ALDH1A2: variants seen among roughly 807,000 people sequenced by gnomAD.
ALDH1A2 encodes aldehyde dehydrogenase 1 family member A2, also known as retinal dehydrogenase 2.
A neutral mutation model predicts 60.3 loss-of-function variants in ALDH1A2; 27 were observed. The observed-to-expected ratio is 0.45, with a 90% confidence interval of 0.33 to 0.62. The LOEUF is 0.62. ALDH1A2 is among the 20% of genes least tolerant of loss of function. ALDH1A2 has a pLI of 0.02. For synonymous variants in ALDH1A2, 289 were observed against 232.4 expected (o/e 1.24, Z -2.21); for missense variants, 581 against 643.8 (o/e 0.90, Z 1.06).
intron 7 of ALDH1A2, among the ~76,000 whole-genome samples, chr15:57,966,369 C>T (rs1239837906): frequency 2.6e-5 from 4 of 152,146 alleles, no homozygotes; most frequent in African/African-American, 9.7e-5. Flanking sequence ...TCTTTTTGTG[C>T]AATCTTGTAA....
intron 7 of ALDH1A2, among the ~76,000 whole-genome samples, chr15:57,971,044 A>C (rs1208633521): frequency 6.6e-6 from 1 of 152,218 alleles, no homozygotes; most frequent in African/African-American, 2.4e-5. Context: ...ACAGCAGTTT[A>C]AACCTTTATC....
chr15:57,994,584 C>T (rs1306899785), intron 5 of ALDH1A2, among the ~76,000 whole-genome samples: 1 of 152,276 alleles, frequency 6.6e-6, no homozygotes, highest in Non-Finnish European at 1.5e-5. Flanking sequence ...AGACACATAA[C>T]AGCTCGGCAT....
At chr15:58,059,270 T>G (rs1896965800) in intron 1 of ALDH1A2, among the ~76,000 whole-genome samples, 1 of 152,172 alleles carries the variant, frequency 6.6e-6, no homozygotes, top group Admixed American at 6.5e-5. Context: ...ATTTGCTGTT[T>G]GGGGGGAAAT....
chr15:57,969,520 G>T (rs569055576), intron 7 of ALDH1A2, among the ~76,000 whole-genome samples: 24 of 152,228 alleles, frequency 1.6e-4, no homozygotes, highest in Admixed American at 3.3e-4. Flanking sequence ...GGTTCCTCAG[G>T]GATACTGTCC....
rs751240468 is a variant in ALDH1A2 at position 57,962,079 on chromosome 15, T to A, written c.1184A>T (p.Lys395Met). The change falls in exon 10 of 13, where the codon AAG (lysine) becomes ATG (methionine). Residue 395 changes from lysine to methionine, a missense_variant. Physicochemically the swap from Lys to Met is moderately conservative, Grantham distance 95. Coordinates refer to ENST00000249750, the MANE Select transcript of ALDH1A2 (RefSeq NM_003888.4). The stretch of plus-strand genomic sequence containing the variant: ...CACTGTGGGCTCAATGAAAAACCCC[T>A]TTCGGCCCAGTCCTTTGCCTCCACA... The part of the protein sequence containing the change: ...LECGGKGLGR[K>M]GFFIEPTVFS... 1.2e-6 allele frequency: 2 copies of A among 1,614,210 alleles called. No individual in the cohort carries two copies. The highest frequency in any genetic ancestry group is 1.7e-6 in the Non-Finnish European group (2 of 1,180,018).
At chr15:58,048,887 C>T (rs764020859) in intron 1 of ALDH1A2, among the ~76,000 whole-genome samples, 8 of 151,920 alleles carry the variant, frequency 5.3e-5, no homozygotes, top group Non-Finnish European at 1.2e-4. Flanking sequence ...CATATGTACA[C>T]CCATCCCCAC....
At chr15:58,064,597 C>G (rs1297838414) in intron 1 of ALDH1A2, among the ~76,000 whole-genome samples, 1 of 151,998 alleles carries the variant, frequency 6.6e-6, no homozygotes, top group South Asian at 2.1e-4. Context: ...AGAAATGTAC[C>G]GAAAGGACTA....
At chr15:58,004,730 C>CACAT (rs1555402515) in intron 4 of ALDH1A2, among the ~76,000 whole-genome samples, 1 of 140,712 alleles carries the variant, frequency 7.1e-6, no homozygotes, top group Non-Finnish European at 1.5e-5. Flanking sequence ...TATATATATA[C>CACAT]ATATATATAT....
intron 12 of ALDH1A2, 32 bp from the exon 13 acceptor site, chr15:57,955,301 C>G (rs567312382): frequency 1.2e-6 from 2 of 1,612,398 alleles, no homozygotes; most frequent in South Asian, 1.1e-5. Flanking sequence ...GGTCAGATAC[C>G]AGAAGTCCAG....
intron 1 of ALDH1A2, among the ~76,000 whole-genome samples, chr15:58,052,190 T>C (rs1255881189): frequency 2.0e-5 from 3 of 152,110 alleles, no homozygotes; most frequent in Non-Finnish European, 4.4e-5. Flanking sequence ...GAGTACATTG[T>C]TGAGACAGTA....
At chr15:58,018,004 A>T (rs1895831271) in intron 1 of ALDH1A2, among the ~76,000 whole-genome samples, 1 of 152,194 alleles carries the variant, frequency 6.6e-6, no homozygotes, top group Non-Finnish European at 1.5e-5. Context: ...CTTCATGGTC[A>T]GTACTTGAAT....
chr15:58,016,928 T>C (rs1373039434), intron 1 of ALDH1A2, among the ~76,000 whole-genome samples: 1 of 152,164 alleles, frequency 6.6e-6, no homozygotes, highest in Non-Finnish European at 1.5e-5. Context: ...GTTAAGAATT[T>C]GGAATTCTTA....
intron 1 of ALDH1A2, among the ~76,000 whole-genome samples, chr15:58,053,130 T>C (rs569804937): frequency 6.6e-6 from 1 of 152,186 alleles, no homozygotes; most frequent in African/African-American, 2.4e-5. Context: ...GTCTACAAAT[T>C]AAACAGTAAT....
chr15:58,026,856 C>A (rs1896093311), intron 1 of ALDH1A2, among the ~76,000 whole-genome samples: 1 of 152,300 alleles, frequency 6.6e-6, no homozygotes, highest in African/African-American at 2.4e-5. Flanking sequence ...AGCAGGTAAA[C>A]AAAGTGGCCA....
At chr15:58,042,620 A>G (rs770868422) in intron 1 of ALDH1A2, among the ~76,000 whole-genome samples, 1 of 151,962 alleles carries the variant, frequency 6.6e-6, no homozygotes, top group South Asian at 2.1e-4. Flanking sequence ...CTGTCTCTCA[A>G]TCTACAGTGA....
intron 7 of ALDH1A2, among the ~76,000 whole-genome samples, chr15:57,981,054 G>A (rs1039862003): frequency 4.6e-5 from 7 of 152,218 alleles, no homozygotes; most frequent in East Asian, 1.9e-4. Flanking sequence ...TGTGGGATCC[G>A]TGGTGATAAC....
chr15:57,996,896 A>G (rs1195859817), intron 4 of ALDH1A2, among the ~76,000 whole-genome samples: 2 of 152,020 alleles, frequency 1.3e-5, no homozygotes, highest in Non-Finnish European at 2.9e-5. Flanking sequence ...TGATAGAGTG[A>G]ACATCTTTTC....
intron 1 of ALDH1A2, among the ~76,000 whole-genome samples, chr15:58,053,442 C>T (rs534096862): frequency 2.6e-5 from 4 of 152,250 alleles, no homozygotes; most frequent in Non-Finnish European, 5.9e-5. Flanking sequence ...CAATTACAGA[C>T]ACTCACAAAT....
chr15:58,032,445 T>C (rs571970755), intron 1 of ALDH1A2, among the ~76,000 whole-genome samples: 17 of 152,236 alleles, frequency 1.1e-4, no homozygotes, highest in South Asian at 2.1e-4. Context: ...ACATGGCACA[T>C]GTATACATAT....
Sources: gnomAD v4.1 joint callset for allele counts (sites outside exome capture counted in the v4.1 genomes callset) on GRCh38, gnomAD v4.1.1 for gene constraint, MANE v1.5 for transcripts, NCBI Gene and HGNC (gene_info 2026-07-23, HGNC 2026-07-21) for gene names.